The following ARSF variants were observed in gnomAD, a reference collection of about 807,000 sequenced individuals.
The protein encoded by ARSF is arylsulfatase F.
Under a neutral mutation model 35.4 loss-of-function variants are expected in ARSF, and 33 were observed. That is an observed-to-expected ratio of 0.93 (90% CI 0.71 to 1.25). The LOEUF is 1.25. Ranked by LOEUF, ARSF falls within the 50% of genes most tolerant of loss-of-function variation. ARSF has a pLI of 0.00. For missense variants in ARSF, 501 were observed against 480.2 expected (o/e 1.04, Z -0.40); for synonymous variants, 222 against 193.1 (o/e 1.15, Z -1.24).
chrX:3,104,694 G>T (rs1389432079), intron 9 of ARSF, among the ~76,000 whole-genome samples: 1 of 111,949 alleles, frequency 8.9e-6, no homozygotes, highest in African/African-American at 3.2e-5. Flanking sequence ...GAGATGGACA[G>T]ATTTATAACC....
chrX:3,052,690 C>CAA (rs60919775), intron 1 of ARSF, among the ~76,000 whole-genome samples: 4,117 of 73,563 alleles, frequency 0.056, 144 homozygotes, highest in African/African-American at 0.12. Context: ...GACCCTGTCT[C>CAA]AAAAAAAAAA....
rs559023007 is a variant in ARSF, at chrX:3,080,178, A to G, written c.284-713A>G. Among the ~76,000 whole-genome samples the G allele has an allele frequency of 2.9e-5, 3 of 102,563 alleles. No individual in the cohort carries two copies. The South Asian group carries it at 1.4e-3, about 47-fold the overall frequency. The allele number at this position is 102,563 out of a possible 115,157, so 89.1% of individuals were successfully genotyped here. ...TGACACTGACTTTGGACGAGAAGAA[A>G]GAAAAGGTCTTTTTTGGCTGAGTGC... On this transcript the variant is annotated intron_variant, in intron 4 of 10. Coordinates refer to ENST00000381127, the MANE Select transcript of ARSF (RefSeq NM_001201539.2).
Position 3,103,772 on chromosome X carries a change from C to T in ARSF, c.1113C>T (p.Gly371=). ...GWNGIYKGGK[G]MGGWEGGIRV... is the part of the protein sequence containing the mutation. ...TGCATTGTCTTATAGGTGGAAAAGG[C>T]ATGGGGGGCTGGGAAGGTGGAATCC... The change falls in exon 9 of 11, where the codon GGC becomes GGT. Residue 371 remains glycine, a synonymous_variant. Coordinates refer to ENST00000381127, the MANE Select transcript of ARSF (RefSeq NM_001201539.2). 3 of 1,210,908 alleles carry T rather than the reference C, an allele frequency of 2.5e-6. No homozygotes were observed. Among genetic ancestry groups the T allele is most frequent in the Middle Eastern group, 4.6e-4 (2 of 4,344 alleles).
chrX:3,107,135 C>A (rs1321127049), intron 9 of ARSF, among the ~76,000 whole-genome samples: 1 of 111,614 alleles, frequency 9.0e-6, no homozygotes, highest in South Asian at 3.7e-4. Context: ...TCAGTACAAA[C>A]AAGACCGTCC....
Position 3,112,290 on chromosome X carries a change from C to A in ARSF, c.1507C>A (p.Pro503Thr), listed in dbSNP as rs762750774. The change falls in exon 11 of 11, where the codon CCC (proline) becomes ACC (threonine). Residue 503 changes from proline to threonine, a missense_variant. Transcript: ENST00000381127. Reference sequence around the variant, plus strand: ...CGGAGAACAGGTTACCTACCACAACCCCCCTCTGCTCTTCGATCTCTCCAG... The same window carrying A: ...CGGAGAACAGGTTACCTACCACAACACCCCTCTGCTCTTCGATCTCTCCAG... ...CFGEQVTYHN[P>T]PLLFDLSRDP... 9.1e-6 allele frequency: 11 copies of A among 1,208,490 alleles called. No individual in the cohort carries two copies. The East Asian group carries it at 3.3e-4, about 36-fold the overall frequency.
At chrX:3,051,050 G>A (rs1308090475) in intron 1 of ARSF, among the ~76,000 whole-genome samples, 3 of 111,130 alleles carry the variant, frequency 2.7e-5, no homozygotes, top group East Asian at 2.8e-4. Context: ...CCTGATGCTC[G>A]CCTGACATTC....
intron 9 of ARSF, among the ~76,000 whole-genome samples, chrX:3,104,231 C>T (rs941261987): frequency 3.6e-5 from 4 of 110,856 alleles, no homozygotes; most frequent in African/African-American, 1.3e-4. Context: ...CATCTCTCCC[C>T]TCTGGTCATC....
intron 1 of ARSF, among the ~76,000 whole-genome samples, chrX:3,044,704 C>T (rs1160027447): frequency 9.1e-6 from 1 of 109,849 alleles, no homozygotes; most frequent in Non-Finnish European, 1.9e-5. Flanking sequence ...TACTTCTCTG[C>T]TCGCCACTCA....
rs759590485 is a variant in ARSF at position 3,088,664 on chromosome X, G to A, written c.831-832G>A. On this transcript the variant is annotated intron_variant, in intron 6 of 10. Transcript: ENST00000381127. ...GCAACTTCTGCCTCCTGGGTTCAGC[G>A]ATTCTCCCACCTCAGCTTCCCCAGT... 2.7e-5 allele frequency among the ~76,000 whole-genome samples: 3 copies of A among 110,132 alleles called. No individual in the cohort carries two copies. In the South Asian group the frequency reaches 1.2e-3, roughly 44 times the overall value.
At chrX:3,053,513 A>T (rs1394440801) in intron 1 of ARSF, among the ~76,000 whole-genome samples, 1 of 108,581 alleles carries the variant, frequency 9.2e-6, no homozygotes, top group Non-Finnish European at 1.9e-5. Context: ...TTAATTTTTA[A>T]ATTTGGGCAG....
chrX:3,044,307 C>T (rs1475088780), intron 1 of ARSF, among the ~76,000 whole-genome samples: 1 of 111,988 alleles, frequency 8.9e-6, no homozygotes, highest in African/African-American at 3.2e-5. Flanking sequence ...CTTAGAGTCA[C>T]GTTAGATGGG....
intron 6 of ARSF, among the ~76,000 whole-genome samples, chrX:3,086,470 A>G (rs995115224): frequency 2.1e-4 from 24 of 112,104 alleles, no homozygotes; most frequent in African/African-American, 7.4e-4. Context: ...TGAATGCTCA[A>G]AACTATTTTT....
chrX:3,092,708 C>G (rs913176285), intron 7 of ARSF, among the ~76,000 whole-genome samples: 6 of 112,449 alleles, frequency 5.3e-5, no homozygotes, highest in Admixed American at 9.4e-5. Context: ...GAATAAACAT[C>G]TGCTTTAATA....
At chrX:3,084,027 G>A (rs530319401) in intron 5 of ARSF, among the ~76,000 whole-genome samples, 16 of 111,660 alleles carry the variant, frequency 1.4e-4, no homozygotes, top group Non-Finnish European at 2.6e-4. Context: ...GCTCACAACC[G>A]GATCTGAATA....
At chrX:3,073,876 C>A in intron 3 of ARSF, among the ~76,000 whole-genome samples, 1 of 108,231 alleles carries the variant, frequency 9.2e-6, no homozygotes, top group Non-Finnish European at 1.9e-5. Context: ...GTATTTTTAA[C>A]AATGGGCATT....
intron 7 of ARSF, 62 bp downstream of exon 7, chrX:3,089,694 A>T: frequency 8.6e-7 from 1 of 1,159,379 alleles, no homozygotes; most frequent in Non-Finnish European, 1.2e-6. Context: ...GACACCTGAA[A>T]ACTGCTCTTG....
chrX:3,089,855 G>T (rs948188601), intron 7 of ARSF, among the ~76,000 whole-genome samples: 17 of 112,033 alleles, frequency 1.5e-4, no homozygotes, highest in African/African-American at 5.2e-4. Flanking sequence ...TATCAACTTG[G>T]GTCTTTGTCT....
chrX:3,098,390 T>C (rs1237615186), intron 7 of ARSF, among the ~76,000 whole-genome samples: 1 of 111,452 alleles, frequency 9.0e-6, no homozygotes, highest in African/African-American at 3.3e-5. Context: ...GAGTATGTGA[T>C]ATGGTTTGGC....
chrX:3,086,850 G>A lies in ARSF; in HGVS notation c.830+2184G>A, dbSNP rs150392388. On this transcript the variant is annotated intron_variant, in intron 6 of 10. Coordinates refer to ENST00000381127, the MANE Select transcript of ARSF (RefSeq NM_001201539.2). ...AAAAAAAATTACCACAAATGTAGTG[G>A]CCTAATGCAACACAAAGTTATTATT... Among the ~76,000 whole-genome samples, 692 of 111,433 alleles carry A rather than the reference G, an allele frequency of 6.2e-3. 6 individuals are homozygous for A. The highest frequency in any genetic ancestry group is 0.021 in the African/African-American group (659 of 30,761).
Sources: gnomAD v4.1 joint callset for allele counts (sites outside exome capture counted in the v4.1 genomes callset) on GRCh38, gnomAD v4.1.1 for gene constraint, MANE v1.5 for transcripts, NCBI Gene and HGNC (gene_info 2026-07-23, HGNC 2026-07-21) for gene names.